CNTNAP2: variants seen among roughly 807,000 people sequenced by gnomAD.
CNTNAP2 encodes contactin associated protein 2.
CNTNAP2 carries 98 observed loss-of-function variants against 155.2 expected under a neutral mutation model. The observed-to-expected ratio is 0.63, with a 90% CI of 0.54 to 0.75. The LOEUF (loss-of-function observed/expected upper bound fraction) is 0.75, where lower values mean the gene tolerates loss of function less well. Ranked by LOEUF, CNTNAP2 falls within the 30% of genes least tolerant of loss-of-function variation. CNTNAP2 has a pLI of 0.00. For missense variants in CNTNAP2, 1,727 were observed against 1,688.1 expected (o/e 1.02, Z -0.40); for synonymous variants, 651 against 631.2 (o/e 1.03, Z -0.47).
intron 10 of CNTNAP2, among the ~76,000 whole-genome samples, chr7:147,397,893 G>T: frequency 6.6e-6 from 1 of 151,898 alleles, no homozygotes; most frequent in Non-Finnish European, 1.5e-5. Flanking sequence ...AAGATTAGCT[G>T]CAGGGAAGTA....
At chr7:147,084,835 A>T (rs1800238156) in intron 4 of CNTNAP2, among the ~76,000 whole-genome samples, 2 of 148,520 alleles carry the variant, frequency 1.3e-5, no homozygotes, top group Admixed American at 1.4e-4. Flanking sequence ...ATTTATATAT[A>T]TGCTATGTAT....
intron 1 of CNTNAP2, among the ~76,000 whole-genome samples, chr7:146,253,893 C>T (rs1200371691): frequency 7.0e-6 from 1 of 142,080 alleles, no homozygotes; most frequent in South Asian, 2.2e-4. Flanking sequence ...CCTGTCACTA[C>T]AAAAAAAAAA....
At chr7:148,009,715 T>C (rs1453674749) in intron 15 of CNTNAP2, among the ~76,000 whole-genome samples, 2 of 151,976 alleles carry the variant, frequency 1.3e-5, no homozygotes, top group African/African-American at 2.4e-5. Flanking sequence ...TATCCTTTTA[T>C]GAACTTGCTA....
At chr7:147,759,680 C>T (rs1195496322) in intron 13 of CNTNAP2, among the ~76,000 whole-genome samples, 1 of 152,184 alleles carries the variant, frequency 6.6e-6, no homozygotes, top group Non-Finnish European at 1.5e-5. Flanking sequence ...CTGTGCCACA[C>T]GAGGATGTGG....
chr7:146,497,957 T>C (rs73464742), intron 1 of CNTNAP2, among the ~76,000 whole-genome samples: 2,573 of 151,276 alleles, frequency 0.017, 76 homozygotes, highest in African/African-American at 0.059. Context: ...TAAACATATA[T>C]ATAATTGATT....
At chr7:146,470,422 A>G (rs1195086087) in intron 1 of CNTNAP2, among the ~76,000 whole-genome samples, 1 of 152,172 alleles carries the variant, frequency 6.6e-6, no homozygotes. Flanking sequence ...CCTAGCACAT[A>G]TGACTCCCAC....
chr7:147,415,739 G>A (rs1377290830), intron 10 of CNTNAP2, among the ~76,000 whole-genome samples: 1 of 152,150 alleles, frequency 6.6e-6, no homozygotes, highest in African/African-American at 2.4e-5. Flanking sequence ...GAAAAAAAAT[G>A]TGAAAATTCA....
chr7:146,628,170 C>G (rs1799451619), intron 1 of CNTNAP2, among the ~76,000 whole-genome samples: 1 of 152,130 alleles, frequency 6.6e-6, no homozygotes, highest in African/African-American at 2.4e-5. Context: ...TAGACCATTC[C>G]TATCACCTCA....
intron 1 of CNTNAP2, among the ~76,000 whole-genome samples, chr7:146,157,218 T>C (rs1416341301): frequency 6.6e-6 from 1 of 152,182 alleles, no homozygotes; most frequent in Non-Finnish European, 1.5e-5. Flanking sequence ...AAGCAATTTT[T>C]AATACAATTT....
intron 9 of CNTNAP2, among the ~76,000 whole-genome samples, chr7:147,342,046 C>T (rs1267222649): frequency 1.3e-5 from 2 of 152,112 alleles, no homozygotes; most frequent in African/African-American, 2.4e-5. Context: ...TCCCGGTTTA[C>T]AGATGGCCAG....
intron 2 of CNTNAP2, among the ~76,000 whole-genome samples, chr7:146,826,858 A>G (rs1220025023): frequency 1.7e-5 from 2 of 120,438 alleles, no homozygotes; most frequent in East Asian, 4.9e-4. Flanking sequence ...ATATATATAT[A>G]GAGAGAGAGA....
chr7:146,485,131 T>C (rs1015475621), intron 1 of CNTNAP2, among the ~76,000 whole-genome samples: 1 of 151,266 alleles, frequency 6.6e-6, no homozygotes, highest in Non-Finnish European at 1.5e-5. Context: ...TGCAAAGATA[T>C]GACAAAAATG....
At chr7:146,468,622 A>C (rs1340356544) in intron 1 of CNTNAP2, among the ~76,000 whole-genome samples, 1 of 152,170 alleles carries the variant, frequency 6.6e-6, no homozygotes, top group Non-Finnish European at 1.5e-5. Flanking sequence ...AATGCTCAAC[A>C]CATAGTTTTT....
At position 147,614,808 on chromosome 7, in the gene CNTNAP2, T is replaced by C. The variant is rs540768802; in HGVS notation, c.1898-24298T>C. On this transcript the variant is annotated intron_variant, in intron 12 of 23. Transcript: ENST00000361727. Reference sequence around the variant, plus strand: ...ACACATATATAGGGGAATTACAATTTATTCCTATATAGCTCATTTTATTGA... The same window carrying C: ...ACACATATATAGGGGAATTACAATTCATTCCTATATAGCTCATTTTATTGA... Among the ~76,000 whole-genome samples, 3 of 151,854 alleles carry C rather than the reference T, an allele frequency of 2.0e-5. No homozygotes were observed. The South Asian group carries it at 6.2e-4, about 32-fold the overall frequency.
At chr7:147,814,175 C>G (rs975614929) in intron 13 of CNTNAP2, among the ~76,000 whole-genome samples, 3 of 152,232 alleles carry the variant, frequency 2.0e-5, no homozygotes, top group African/African-American at 7.2e-5. Context: ...CATTCTAGTT[C>G]TTTTATTTTC....
At chr7:147,424,290 A>G (rs749805395) in intron 10 of CNTNAP2, among the ~76,000 whole-genome samples, 3 of 152,016 alleles carry the variant, frequency 2.0e-5, no homozygotes, top group Non-Finnish European at 4.4e-5. Context: ...TTTTGAACCT[A>G]TTTCAAAAAG....
In CNTNAP2 at chr7:146,580,568, C is replaced by T. The variant is rs1017930921; in HGVS notation, c.98-193703C>T. Among the ~76,000 whole-genome samples, 15 of 151,784 alleles carry T rather than the reference C, an allele frequency of 9.9e-5. 1 individual carries two copies. The highest frequency in any genetic ancestry group is 9.9e-4 in the Admixed American group (15 of 15,216). ...GAAACAAACCACATTTTTCTGAGCT[C>T]AAAGCCCAAACTATTTTCTGCCTAT... On this transcript the variant is annotated intron_variant, in intron 1 of 23. Coordinates refer to ENST00000361727, the MANE Select transcript of CNTNAP2 (RefSeq NM_014141.6).
At chr7:147,237,942 A>G (rs1205124042) in intron 8 of CNTNAP2, among the ~76,000 whole-genome samples, 1 of 152,268 alleles carries the variant, frequency 6.6e-6, no homozygotes, top group African/African-American at 2.4e-5. Context: ...TTTAAATTCC[A>G]TGGGATAGTG....
intron 12 of CNTNAP2, among the ~76,000 whole-genome samples, chr7:147,596,104 T>A (rs1800823010): frequency 6.6e-6 from 1 of 152,164 alleles, no homozygotes; most frequent in Admixed American, 6.5e-5. Context: ...TTTAACTGTC[T>A]CTCAGGCATC....
Sources: gnomAD v4.1 joint callset for allele counts (sites outside exome capture counted in the v4.1 genomes callset) on GRCh38, gnomAD v4.1.1 for gene constraint, MANE v1.5 for transcripts, NCBI Gene and HGNC (gene_info 2026-07-23, HGNC 2026-07-21) for gene names.